The following MAGI1 variants were observed in gnomAD, a reference collection of about 807,000 sequenced individuals.
MAGI1 encodes membrane associated guanylate kinase, WW and PDZ domain containing 1.
MAGI1 carries 58 observed loss-of-function variants against 139.9 expected under a neutral mutation model. The ratio of observed to expected loss-of-function variants is 0.41; its 90% CI spans 0.34 to 0.52. The LOEUF is 0.52. MAGI1 is among the 20% of genes least tolerant of loss of function. The pLI, the probability that MAGI1 is intolerant of heterozygous loss-of-function variation, is 0.12. For synonymous variants in MAGI1, 812 were observed against 737.9 expected (o/e 1.10, Z -1.63); for missense variants, 1,874 against 1,901.6 (o/e 0.99, Z 0.27).
Position 65,419,183 on chromosome 3 carries a change from A to G in MAGI1, c.2167+10337T>C, listed in dbSNP as rs564461569. The stretch of plus-strand genomic sequence containing the variant: ...CTATCTTTTACAAACTTATGTGACT[A>G]TGTTCCACAATGGGAAATACATTTT... On this transcript the variant is annotated intron_variant, in intron 12 of 22. Coordinates refer to ENST00000402939, the MANE Select transcript of MAGI1 (RefSeq NM_001033057.2). Among the ~76,000 whole-genome samples the G allele has an allele frequency of 3.4e-5, 5 of 148,354 alleles. No individual in the cohort carries two copies. In the East Asian group the frequency reaches 9.9e-4, roughly 29 times the overall value.
chr3:65,566,387 C>G (rs1559676814), intron 2 of MAGI1, among the ~76,000 whole-genome samples: 1 of 151,886 alleles, frequency 6.6e-6, no homozygotes, highest in African/African-American at 2.4e-5. Flanking sequence ...TTAACAGGGA[C>G]TGAGTAGTAA....
intron 3 of MAGI1, 69 bp from the exon 4 acceptor site, chr3:65,478,867 A>G (rs1349883811): frequency 1.7e-6 from 2 of 1,193,072 alleles, no homozygotes; most frequent in African/African-American, 1.5e-5. Flanking sequence ...AAGACTTCAC[A>G]TCCAAATCTC....
chr3:65,974,295 T>G (rs2065148866), intron 1 of MAGI1, among the ~76,000 whole-genome samples: 1 of 145,042 alleles, frequency 6.9e-6, no homozygotes, highest in African/African-American at 2.6e-5. Context: ...AGTGAGCAAA[T>G]GGGAGAGTGG....
chr3:65,712,241 CCT>C (rs2031546052), intron 1 of MAGI1, among the ~76,000 whole-genome samples: 1 of 151,950 alleles, frequency 6.6e-6, no homozygotes. Context: ...AATTCCAGTT[CCT>C]CTCTCTTAGA....
chr3:65,805,816 C>T (rs264081), intron 1 of MAGI1, among the ~76,000 whole-genome samples: 19,851 of 152,140 alleles, frequency 0.13, 1,860 homozygotes, highest in East Asian at 0.42. Flanking sequence ...AAGCCATCAT[C>T]CTCAGCAAAG....
intron 2 of MAGI1, chr3:65,597,840 G>A (rs898173467): frequency 2.2e-6 from 1 of 452,222 alleles, no homozygotes; most frequent in Non-Finnish European, 4.4e-6. Context: ...CAATCGCCAA[G>A]ATTAATCCTT....
At chr3:65,689,570 A>T (rs2107552948) in intron 1 of MAGI1, among the ~76,000 whole-genome samples, 1 of 152,356 alleles carries the variant, frequency 6.6e-6, no homozygotes, top group African/African-American at 2.4e-5. Context: ...ACCAAGGCAA[A>T]AGACACATCA....
At chr3:65,461,419 G>A (rs6783149) in intron 5 of MAGI1, among the ~76,000 whole-genome samples, 81,828 of 149,388 alleles carry the variant, frequency 0.55, 23,640 homozygotes, top group East Asian at 0.94. Flanking sequence ...GTTTCACCAC[G>A]TTAGGCAGGA....
chr3:65,471,675 C>A (rs1440332463), intron 4 of MAGI1, among the ~76,000 whole-genome samples: 1 of 152,128 alleles, frequency 6.6e-6, no homozygotes, highest in South Asian at 2.1e-4. Context: ...TGGTCCAGGA[C>A]GGGACCTACT....
At chr3:65,359,675 G>A (rs1385186670) in intron 22 of MAGI1, 3 of 987,820 alleles carry the variant, frequency 3.0e-6, no homozygotes, top group Non-Finnish European at 2.4e-6. Context: ...GAGAGATTTA[G>A]TCCAAGTGAC....
At chr3:65,602,493 G>A (rs1047063770) in intron 2 of MAGI1, among the ~76,000 whole-genome samples, 28 of 152,098 alleles carry the variant, frequency 1.8e-4, no homozygotes, top group African/African-American at 6.5e-4. Flanking sequence ...ATAGGTGAAT[G>A]TATAGAGACA....
At position 65,493,512 on chromosome 3, in the gene MAGI1, C is replaced by T. The variant is rs139843075; in HGVS notation, c.550G>A (p.Gly184Arg). 6.2e-7 allele frequency: 1 copy of T among 1,614,002 alleles called. No homozygotes were observed. The highest frequency in any genetic ancestry group is 1.3e-5 in the African/African-American group (1 of 74,892). The change falls in exon 3 of 23, where the codon GGA (glycine) becomes AGA (arginine). Residue 184 changes from glycine (G) to arginine (R), a missense_variant and splice_region_variant. By Grantham distance (125) the Gly-to-Arg change is moderately radical. Coordinates refer to ENST00000402939, the MANE Select transcript of MAGI1 (RefSeq NM_001033057.2). The part of the protein sequence containing the change: ...GTLLEVGTYE[G>R]NYYGTPKPPS... ...TTATGCTGTCGTACAAGTAACTCAC[C>T]TTCATAGGTGCCGACTTCCAGAAGA...
intron 1 of MAGI1, among the ~76,000 whole-genome samples, chr3:65,651,124 G>T (rs2085554111): frequency 6.6e-6 from 1 of 152,048 alleles, no homozygotes; most frequent in Non-Finnish European, 1.5e-5. Flanking sequence ...TTTAAGGCCA[G>T]CAGACTTACA....
intron 2 of MAGI1, among the ~76,000 whole-genome samples, chr3:65,603,949 C>T (rs1340820371): frequency 6.6e-6 from 1 of 152,158 alleles, no homozygotes; most frequent in Non-Finnish European, 1.5e-5. Flanking sequence ...AAGGTTCCAC[C>T]CTCATGACTG....
intron 1 of MAGI1, among the ~76,000 whole-genome samples, chr3:65,929,258 C>G (rs1237346602): frequency 6.6e-6 from 1 of 152,150 alleles, no homozygotes; most frequent in African/African-American, 2.4e-5. Flanking sequence ...TTCATCCTTT[C>G]TCCTCAATCT....
At chr3:65,499,016 C>T (rs2076980641) in intron 2 of MAGI1, 7 of 984,220 alleles carry the variant, frequency 7.1e-6, no homozygotes, top group Non-Finnish European at 8.4e-6. Context: ...ACATACTTAC[C>T]TGAAACAGCA....
At chr3:65,938,547 C>T (rs1238622592) in intron 1 of MAGI1, among the ~76,000 whole-genome samples, 42 of 151,906 alleles carry the variant, frequency 2.8e-4, no homozygotes, top group Admixed American at 2.6e-3. Context: ...ATGACAACCT[C>T]CCTACTCGCC....
chr3:65,943,355 C>G (rs1482615514), intron 1 of MAGI1, among the ~76,000 whole-genome samples: 2 of 152,078 alleles, frequency 1.3e-5, no homozygotes, highest in Admixed American at 1.3e-4. Flanking sequence ...GTGGGCAGAT[C>G]ACGAGGTCAG....
intron 1 of MAGI1, among the ~76,000 whole-genome samples, chr3:65,836,537 G>A (rs2042812399): frequency 6.6e-6 from 1 of 152,070 alleles, no homozygotes; most frequent in Non-Finnish European, 1.5e-5. Flanking sequence ...GAAAGGGAAA[G>A]AGGCCGGGCG....
Sources: gnomAD v4.1 joint callset for allele counts (sites outside exome capture counted in the v4.1 genomes callset) on GRCh38, gnomAD v4.1.1 for gene constraint, MANE v1.5 for transcripts, NCBI Gene and HGNC (gene_info 2026-07-23, HGNC 2026-07-21) for gene names.